BNIP2: variants seen among roughly 807,000 people sequenced by gnomAD.
BNIP2 encodes BCL2 interacting protein 2.
In BNIP2, 36 loss-of-function variants were observed where a neutral mutation model predicts 43.4. The observed-to-expected ratio is 0.83, with a 90% CI of 0.64 to 1.10. The LOEUF is 1.10. Ranked by LOEUF, BNIP2 falls within the 50% of genes least tolerant of loss-of-function variation. The pLI is 0.00. For missense variants in BNIP2, 417 were observed against 374.1 expected (o/e 1.11, Z -0.95); for synonymous variants, 146 against 121.0 (o/e 1.21, Z -1.35).
At chr15:59,666,607 C>G (rs1302461549) in intron 9 of BNIP2, among the ~76,000 whole-genome samples, 10 of 152,154 alleles carry the variant, frequency 6.6e-5, no homozygotes, top group Non-Finnish European at 1.5e-4. Flanking sequence ...GCAGAGATTG[C>G]AGTTAGCTGA....
chr15:59,683,159 T>A (rs1893800980), intron 1 of BNIP2, among the ~76,000 whole-genome samples: 1 of 152,254 alleles, frequency 6.6e-6, no homozygotes, highest in South Asian at 2.1e-4. Context: ...AATGCCCTTT[T>A]ATGCAACTAC....
At position 59,689,106 on chromosome 15, in the gene BNIP2, C is replaced by G. The variant is rs547445642; in HGVS notation, c.-58+29G>C. On this transcript the variant is annotated intron_variant, in intron 1 of 9. Transcript: ENST00000607373. ...GTTCCCAGTCCAGCTCCGGAGCCAC[C>G]GTGCCGAGTTCTCCCAGGCCGCACT... 5.2e-6 allele frequency: 8 copies of G among 1,527,662 alleles called. No individual in the cohort carries two copies. The African/African-American group carries it at 9.6e-5, about 18-fold the overall frequency. 94.6% of individuals were successfully genotyped at this position (1,527,662 alleles called of 1,614,324 possible). A position where few individuals can be genotyped will look rare whatever the true frequency, so the allele number is the denominator to read the frequency against.
chr15:59,685,438 T>C (rs1042126782), intron 1 of BNIP2, among the ~76,000 whole-genome samples: 8 of 152,146 alleles, frequency 5.3e-5, no homozygotes, highest in African/African-American at 9.7e-5. Flanking sequence ...GAGGTGAAGG[T>C]TGCAGTGAGC....
At position 59,659,970 on chromosome 15, in the gene BNIP2, A is replaced by C. The variant is rs1892166385; in HGVS notation, c.*4099T>G. 1 of 152,236 alleles carries C rather than the reference A, an allele frequency of 6.6e-6. No individual in the cohort carries two copies. The highest frequency in any genetic ancestry group is 2.1e-4 in the South Asian group (1 of 4,834). 9.4% of individuals were successfully genotyped at this position (152,236 alleles called of 1,614,324 possible). A position where few individuals can be genotyped will look rare whatever the true frequency, so the allele number is the denominator to read the frequency against. ...TCCTTTAGAACTTCAAAGGAAAGTT[A>C]CATAACTGGGTCTCACCATTGATCT... On this transcript the variant is annotated 3_prime_UTR_variant, in exon 10 of 10. Coordinates refer to ENST00000607373, the MANE Select transcript of BNIP2 (RefSeq NM_004330.4).
chr15:59,679,504 T>C (rs544981984), intron 4 of BNIP2, 88 bp downstream of exon 4: 12 of 1,363,890 alleles, frequency 8.8e-6, no homozygotes, highest in Non-Finnish European at 9.9e-7. Context: ...TAGTAACAAA[T>C]ATATGAACTT....
chr15:59,679,618 T>C lies in BNIP2; in HGVS notation c.269A>G (p.Glu90Gly). 1 of 1,613,270 alleles carries C rather than the reference T, an allele frequency of 6.2e-7. No homozygotes were observed. The highest frequency in any genetic ancestry group is 8.5e-7 in the Non-Finnish European group (1 of 1,179,554). The change falls in exon 4 of 10, where the codon GAG becomes GGG. Residue 90 changes from glutamate (E) to glycine (G), a missense_variant. Physicochemically the swap from Glu to Gly is moderately conservative, Grantham distance 98 (BLOSUM62 -2). Transcript: ENST00000607373. ...TTCCCACTCAAACTCATTACTATTC[T>C]CTGACGGTGTGTCTAAGCCATCTAA... is the stretch of plus-strand genomic sequence containing the variant. Reference protein sequence around the residue: ...IDLDGLDTPSENSNEFEWEDD... With the variant: ...IDLDGLDTPSGNSNEFEWEDD...
In BNIP2 at chr15:59,668,911, T is replaced by G. The variant is rs147966686; in HGVS notation, c.874A>C (p.Ile292Leu). The G allele has an allele frequency of 1.1e-5, 18 of 1,613,546 alleles. No individual in the cohort carries two copies. The highest frequency in any genetic ancestry group is 1.4e-5 in the Non-Finnish European group (16 of 1,179,612). The part of the protein sequence containing the change: ...AELVPMEYVG[I>L]PECIKQVDQE... ...ACATACTGTTTTATGCATTCTGGTA[T>G]GCCAACGTATTCCATGGGGACAAGT... is the stretch of plus-strand genomic sequence containing the variant. Residue 292 changes from isoleucine to leucine, a missense_variant, in exon 9 of 10, where the codon ATA becomes CTA. Ile to Leu is a conservative substitution (Grantham distance 5). Coordinates refer to ENST00000607373, the MANE Select transcript of BNIP2 (RefSeq NM_004330.4).
At chr15:59,684,327 T>C (rs1333864786) in intron 1 of BNIP2, among the ~76,000 whole-genome samples, 6 of 152,238 alleles carry the variant, frequency 3.9e-5, no homozygotes, top group Non-Finnish European at 7.3e-5. Flanking sequence ...GTAAGGTTTT[T>C]AATTCTCTGG....
chr15:59,667,543 G>A (rs1892639145), intron 9 of BNIP2, among the ~76,000 whole-genome samples: 1 of 152,182 alleles, frequency 6.6e-6, no homozygotes, highest in African/African-American at 2.4e-5. Context: ...AAAGTGAAGT[G>A]TTTAACTGTT....
Position 59,677,947 on chromosome 15 carries a change from C to T in BNIP2, c.436G>A (p.Ala146Thr), listed in dbSNP as rs754079328. ...ATAACTTTTTTATAGGGTTCAATTGCCTTCATATCAACCCTGTGGTCCTGT... is the reference window on the plus strand; with the variant it reads ...ATAACTTTTTTATAGGGTTCAATTGTCTTCATATCAACCCTGTGGTCCTGT... Reference protein sequence around the residue: ...GEQDHRVDMKAIEPYKKVISH... With the variant: ...GEQDHRVDMKTIEPYKKVISH... Residue 146 changes from alanine to threonine, a missense_variant, in exon 5 of 10, where the codon GCA (alanine) becomes ACA (threonine). Coordinates refer to ENST00000607373, the MANE Select transcript of BNIP2 (RefSeq NM_004330.4). 1.9e-6 allele frequency: 3 copies of T among 1,612,970 alleles called. No homozygotes were observed. The highest frequency in any genetic ancestry group is 2.2e-5 in the East Asian group (1 of 44,872).
chr15:59,670,416 G>C (rs1205434686), intron 7 of BNIP2, among the ~76,000 whole-genome samples: 3 of 152,174 alleles, frequency 2.0e-5, no homozygotes, highest in Admixed American at 6.5e-5. Context: ...AGATGACAGA[G>C]TGAGACCCTG....
At chr15:59,668,619 G>C (rs1428612384) in intron 9 of BNIP2, 6 of 327,138 alleles carry the variant, frequency 1.8e-5, no homozygotes, top group East Asian at 5.6e-5. Flanking sequence ...TCATCTCTTA[G>C]ATTATAAGTA....
At chr15:59,676,947 T>C in intron 5 of BNIP2, 2 of 1,612,378 alleles carry the variant, frequency 1.2e-6, no homozygotes, top group East Asian at 2.2e-5. Flanking sequence ...AACAGCATGA[T>C]CCTCTCTGCT....
In BNIP2 at chr15:59,689,256, ACCCCGGCCCAATC is replaced by A. The variant is rs1894227400; in HGVS notation, c.-192_-180del. On this transcript the variant is annotated 5_prime_UTR_variant, in exon 1 of 10. Coordinates refer to ENST00000607373, the MANE Select transcript of BNIP2 (RefSeq NM_004330.4). The stretch of plus-strand genomic sequence containing the variant: ...CCGCTCCCCTCGGTCGGCGGTGGAG[ACCCCGGCCCAATC>A]CCCCGGCCGCAGCGGTACGGCGTCG... 6.5e-7 allele frequency: 1 copy of A among 1,543,042 alleles called. No homozygotes were observed. Among genetic ancestry groups the A allele is most frequent in the African/African-American group, 1.4e-5 (1 of 72,668 alleles).
At chr15:59,665,830 G>A (rs769485752) in intron 9 of BNIP2, among the ~76,000 whole-genome samples, 1 of 152,046 alleles carries the variant, frequency 6.6e-6, no homozygotes, top group Non-Finnish European at 1.5e-5. Context: ...ATTAGATAAA[G>A]AAAAATATTT....
chr15:59,682,284 G>A (rs767732002), intron 2 of BNIP2, 124 bp downstream of exon 2: 8 of 727,218 alleles, frequency 1.1e-5, no homozygotes, highest in Middle Eastern at 3.9e-4. Context: ...CTGAGATCGC[G>A]CCACTGCACT....
chr15:59,678,979 C>T (rs1332553242), intron 4 of BNIP2: 1 of 607,442 alleles, frequency 1.6e-6, no homozygotes, highest in Non-Finnish European at 2.3e-6. Context: ...TAGCATATCA[C>T]ACTTTATTAC....
intron 9 of BNIP2, 120 bp downstream of exon 9, chr15:59,668,772 A>ACACGCG (rs1555396260): frequency 1.3e-6 from 1 of 778,646 alleles, no homozygotes; most frequent in Non-Finnish European, 1.9e-6. Flanking sequence ...ACACACACAC[A>ACACGCG]CGCGCGCGCG....
At position 59,689,169 on chromosome 15, in the gene BNIP2, C is replaced by A; in HGVS notation, c.-92G>T. 1 of 1,538,442 alleles carries A rather than the reference C, an allele frequency of 6.5e-7. No individual in the cohort carries two copies. The highest frequency in any genetic ancestry group is 8.7e-7 in the Non-Finnish European group (1 of 1,146,468). ...AGCCTTGGCCCCCTCGTCCTCTTCG[C>A]CCCTCCAGGCCGGCGACGTGGGGCT... On this transcript the variant is annotated 5_prime_UTR_variant, in exon 1 of 10. Transcript: ENST00000607373.
Sources: allele counts gnomAD v4.1 joint callset (sites outside exome capture counted in the v4.1 genomes callset), GRCh38; gene constraint gnomAD v4.1.1; transcripts MANE v1.5; gene names NCBI Gene and HGNC (gene_info 2026-07-23, HGNC 2026-07-21).